Variants in SRPK2 observed in about 807,000 individuals in gnomAD.
The protein encoded by SRPK2 is SFRS protein kinase 2.
A neutral mutation model predicts 90.8 loss-of-function variants in SRPK2; 21 were observed. The ratio of observed to expected loss-of-function variants is 0.23; its 90% confidence interval spans 0.16 to 0.33. The LOEUF is 0.33. Among genes scored for constraint, SRPK2 ranks in the 10% least tolerant of loss-of-function variants. The pLI is 1.00. For synonymous variants in SRPK2, 288 were observed against 311.1 expected (o/e 0.93, Z 0.78); for missense variants, 620 against 869.0 (o/e 0.71, Z 3.60).
chr7:105,175,006 G>A (rs1219858303), intron 3 of SRPK2, among the ~76,000 whole-genome samples: 2 of 152,008 alleles, frequency 1.3e-5, no homozygotes, highest in Non-Finnish European at 2.9e-5. Flanking sequence ...TTAGCTGGGC[G>A]TGGTGGTGCA....
At chr7:105,393,201 G>A (rs1463832805), upstream of SRPK2, among the ~76,000 whole-genome samples, 1 of 150,338 alleles carries the variant, frequency 6.7e-6, no homozygotes, top group Non-Finnish European at 1.5e-5. Context: ...TCACCATGTT[G>A]GCCAGGCTGG....
intron 2 of SRPK2, chr7:105,297,468 T>C: frequency 1.0e-6 from 1 of 985,432 alleles, no homozygotes; most frequent in Non-Finnish European, 1.2e-6. Flanking sequence ...CTTTCCCTGA[T>C]ATGGTGGCCA....
chr7:105,284,985 T>C (rs1276140460), intron 2 of SRPK2, among the ~76,000 whole-genome samples: 1 of 152,164 alleles, frequency 6.6e-6, no homozygotes, highest in Non-Finnish European at 1.5e-5. Context: ...TACAAGAGTC[T>C]TAGCTTTGTT....
intron 2 of SRPK2, among the ~76,000 whole-genome samples, chr7:105,243,136 G>A (rs1801043628): frequency 6.6e-6 from 1 of 151,962 alleles, no homozygotes; most frequent in African/African-American, 2.4e-5. Flanking sequence ...AGAGTAGCTG[G>A]GACTCCAGGC....
intron 2 of SRPK2, among the ~76,000 whole-genome samples, chr7:105,233,847 G>A (rs902100192): frequency 2.6e-5 from 4 of 151,660 alleles, no homozygotes; most frequent in Admixed American, 6.6e-5. Flanking sequence ...GCAAGACTCC[G>A]TCTCAAAAAA....
intron 2 of SRPK2, among the ~76,000 whole-genome samples, chr7:105,263,772 GA>G (rs201685214): frequency 2.0e-5 from 3 of 151,744 alleles, no homozygotes; most frequent in South Asian, 2.1e-4. Flanking sequence ...CAAAAACACT[GA>G]AAAAAAATTT....
At chr7:105,387,601 G>A (rs1356497963) in intron 2 of SRPK2, among the ~76,000 whole-genome samples, 2 of 151,406 alleles carry the variant, frequency 1.3e-5, no homozygotes, top group African/African-American at 4.9e-5. Context: ...AAAAAAGTGA[G>A]CGTGCTGCGA....
chr7:105,142,222 T>C lies in SRPK2; in HGVS notation c.1329A>G (p.Glu443=). ...CATTTGGCAATTCACCATTGAATTG[T>C]TCATAGGAGCTGCTATATGTGTAAT... is the stretch of plus-strand genomic sequence containing the variant. ...ESDYTYSSSY[E]QFNGELPNGR... Residue 443 remains glutamate, a synonymous_variant, in exon 11 of 16, where the codon GAA becomes GAG. Coordinates refer to ENST00000393651, the MANE Select transcript of SRPK2 (RefSeq NM_182692.3). 6.2e-7 allele frequency: 1 copy of C among 1,614,030 alleles called. No individual in the cohort carries two copies. Among genetic ancestry groups the C allele is most frequent in the East Asian group, 2.2e-5 (1 of 44,886 alleles).
At chr7:105,339,466 T>A (rs927100839) in intron 2 of SRPK2, among the ~76,000 whole-genome samples, 5 of 152,198 alleles carry the variant, frequency 3.3e-5, no homozygotes, top group African/African-American at 1.2e-4. Context: ...CCTAATTGTC[T>A]TAAATATTGT....
chr7:105,268,099 C>G (rs921195188), intron 2 of SRPK2, among the ~76,000 whole-genome samples: 2 of 152,116 alleles, frequency 1.3e-5, no homozygotes, highest in Non-Finnish European at 2.9e-5. Context: ...TATCTTAATT[C>G]TTTTTATAAG....
chr7:105,261,648 T>C (rs539537112), intron 2 of SRPK2, among the ~76,000 whole-genome samples: 3 of 152,322 alleles, frequency 2.0e-5, no homozygotes, highest in Admixed American at 6.5e-5. Flanking sequence ...TAACTCCCCA[T>C]ACCAAGAAAG....
At chr7:105,390,720 T>C (rs1822155346), upstream of SRPK2, among the ~76,000 whole-genome samples, 1 of 150,964 alleles carries the variant, frequency 6.6e-6, no homozygotes, top group Admixed American at 6.6e-5. Context: ...CCCAAAGTGC[T>C]AGGATTACAG....
At chr7:105,277,084 A>T (rs73715550) in intron 2 of SRPK2, among the ~76,000 whole-genome samples, 136 of 149,532 alleles carry the variant, frequency 9.1e-4, no homozygotes, top group African/African-American at 2.5e-3. Context: ...TATTATTATT[A>T]TTTTTTTTTT....
chr7:105,127,090 C>T (rs1442564131), intron 13 of SRPK2, 28 bp from the exon 14 acceptor site: 1 of 1,612,674 alleles, frequency 6.2e-7, no homozygotes, highest in East Asian at 2.2e-5. Flanking sequence ...ACATGCTAAG[C>T]ACTTCAGAGA....
chr7:105,114,755 A>C (rs1439064891), downstream of SRPK2, among the ~76,000 whole-genome samples: 2 of 152,166 alleles, frequency 1.3e-5, no homozygotes, highest in Non-Finnish European at 2.9e-5. Context: ...TTACACTTTG[A>C]ACCTCTATTT....
intron 2 of SRPK2, among the ~76,000 whole-genome samples, chr7:105,300,254 C>CAAAAAA (rs35542004): frequency 2.6e-5 from 2 of 76,278 alleles, no homozygotes; most frequent in African/African-American, 5.0e-5. Context: ...GACTCCATCT[C>CAAAAAA]AAAAAAAAAA....
chr7:105,157,948 C>T (rs1310832391), intron 7 of SRPK2, among the ~76,000 whole-genome samples: 2 of 152,042 alleles, frequency 1.3e-5, no homozygotes, highest in African/African-American at 4.8e-5. Flanking sequence ...TGCCTGCAGT[C>T]CCAGCTACTA....
upstream of SRPK2, among the ~76,000 whole-genome samples, chr7:105,393,040 C>T (rs1822223002): frequency 1.3e-5 from 2 of 151,830 alleles, no homozygotes; most frequent in Admixed American, 1.3e-4. Flanking sequence ...GTCGCCCAGG[C>T]TGGAGTGCAG....
intron 2 of SRPK2, among the ~76,000 whole-genome samples, chr7:105,227,871 C>T (rs1798900031): frequency 7.5e-6 from 1 of 134,094 alleles, no homozygotes; most frequent in Non-Finnish European, 1.5e-5. Flanking sequence ...GTAGTGTATC[C>T]ACAAAACAGA....
Sources: allele counts gnomAD v4.1 joint callset (sites outside exome capture counted in the v4.1 genomes callset), GRCh38; gene constraint gnomAD v4.1.1; transcripts MANE v1.5; gene names NCBI Gene and HGNC (gene_info 2026-07-23, HGNC 2026-07-21).